SPAG16: variants seen among roughly 807,000 people sequenced by gnomAD.
SPAG16 encodes sperm-associated antigen 16 protein.
A neutral mutation model predicts 80.4 loss-of-function variants in SPAG16; 86 were observed. The ratio of observed to expected loss-of-function variants is 1.07; its 90% CI spans 0.90 to 1.28. The LOEUF (loss-of-function observed/expected upper bound fraction) is 1.28, where lower values mean the gene tolerates loss of function less well. Ranked by LOEUF, SPAG16 falls within the 50% of genes most tolerant of loss-of-function variation. The pLI is 0.00. For missense variants in SPAG16, 870 were observed against 765.3 expected (o/e 1.14, Z -1.61); for synonymous variants, 294 against 265.9 (o/e 1.11, Z -1.03).
intron 10 of SPAG16, among the ~76,000 whole-genome samples, chr2:213,742,837 A>G (rs1312869089): frequency 6.6e-6 from 1 of 152,134 alleles, no homozygotes. Flanking sequence ...AGCTGGGATT[A>G]CAGGCGTGAG....
intron 12 of SPAG16, among the ~76,000 whole-genome samples, chr2:214,010,099 A>G (rs1426675883): frequency 1.4e-5 from 2 of 140,888 alleles, no homozygotes; most frequent in Non-Finnish European, 3.0e-5. Context: ...TAAAATGTCA[A>G]AAGAGTTAAA....
At chr2:214,333,088 A>G (rs930609285) in intron 15 of SPAG16, among the ~76,000 whole-genome samples, 4 of 152,202 alleles carry the variant, frequency 2.6e-5, no homozygotes, top group Non-Finnish European at 5.9e-5. Flanking sequence ...GACCAAGTGA[A>G]TGACTACTGT....
chr2:213,678,446 G>A (rs1465199974), intron 10 of SPAG16, among the ~76,000 whole-genome samples: 11 of 152,056 alleles, frequency 7.2e-5, no homozygotes, highest in Admixed American at 1.3e-4. Context: ...TATCACCACC[G>A]ATCCCACAGA....
intron 10 of SPAG16, among the ~76,000 whole-genome samples, chr2:213,695,017 A>T (rs1398460956): frequency 6.6e-6 from 1 of 152,090 alleles, no homozygotes; most frequent in Non-Finnish European, 1.5e-5. Flanking sequence ...GATTTTTTAT[A>T]GACTTGACAT....
At chr2:213,433,915 CTTTTT>C (rs33989475) in intron 9 of SPAG16, among the ~76,000 whole-genome samples, 4 of 85,012 alleles carry the variant, frequency 4.7e-5, no homozygotes, top group Non-Finnish European at 4.6e-5. Context: ...TTTTCTTTGT[CTTTTT>C]TTTTTTTTTT....
chr2:214,161,740 C>G (rs1254496330), intron 15 of SPAG16, among the ~76,000 whole-genome samples: 1 of 151,968 alleles, frequency 6.6e-6, no homozygotes, highest in East Asian at 1.9e-4. Flanking sequence ...GGCTTAATAC[C>G]TAGGTGATGG....
At chr2:213,525,284 C>CTTTTTTTTTTTTTT (rs71060436) in intron 10 of SPAG16, among the ~76,000 whole-genome samples, 8 of 100,334 alleles carry the variant, frequency 8.0e-5, no homozygotes, top group Non-Finnish European at 1.4e-4. Context: ...TTTTCCTTTT[C>CTTTTTTTTTTTTTT]TTTTTTTTTT....
chr2:213,720,678 G>A (rs1170501290), intron 10 of SPAG16, among the ~76,000 whole-genome samples: 1 of 150,864 alleles, frequency 6.6e-6, no homozygotes, highest in African/African-American at 2.4e-5. Flanking sequence ...TTACCTCACA[G>A]TGATGTTAGA....
chr2:213,590,721 C>A (rs577787254), intron 10 of SPAG16, among the ~76,000 whole-genome samples: 14 of 152,230 alleles, frequency 9.2e-5, no homozygotes, highest in African/African-American at 2.9e-4. Context: ...ATTAGTTCAG[C>A]CCCTGTGAAA....
intron 11 of SPAG16, among the ~76,000 whole-genome samples, chr2:213,897,711 A>G (rs753763130): frequency 6.6e-6 from 1 of 152,106 alleles, no homozygotes; most frequent in Non-Finnish European, 1.5e-5. Flanking sequence ...CCTTCAGATG[A>G]TGTGCATCTA....
At chr2:213,490,621 T>C (rs1366757435) in intron 10 of SPAG16, among the ~76,000 whole-genome samples, 1 of 152,158 alleles carries the variant, frequency 6.6e-6, no homozygotes, top group Non-Finnish European at 1.5e-5. Context: ...AAATGGAGAG[T>C]ATTTTTATTC....
At chr2:213,349,176 T>G (rs770300446) in intron 6 of SPAG16, among the ~76,000 whole-genome samples, 13 of 152,178 alleles carry the variant, frequency 8.5e-5, no homozygotes, top group Non-Finnish European at 1.3e-4. Context: ...TGCAGCATAT[T>G]GAAATGCAGC....
chr2:214,003,304 CTATT>C (rs1235048027), intron 12 of SPAG16, among the ~76,000 whole-genome samples: 1 of 152,152 alleles, frequency 6.6e-6, no homozygotes, highest in Non-Finnish European at 1.5e-5. Flanking sequence ...CAAATAGTGT[CTATT>C]TATTAAAGAT....
intron 10 of SPAG16, among the ~76,000 whole-genome samples, chr2:213,578,663 A>C (rs911133927): frequency 1.3e-4 from 20 of 152,228 alleles, no homozygotes; most frequent in African/African-American, 4.6e-4. Flanking sequence ...TTTTTGGCTA[A>C]AATCAAGTGT....
intron 10 of SPAG16, among the ~76,000 whole-genome samples, chr2:213,515,178 T>TAA (rs925461364): frequency 2.6e-5 from 4 of 152,140 alleles, no homozygotes; most frequent in East Asian, 3.8e-4. Context: ...TATATATATA[T>TAA]AAACCCATTC....
In SPAG16 at chr2:213,642,820, CAAAAAAAAAAAAAAA is replaced by C. The variant is rs766759239; in HGVS notation, c.1070+152745_1070+152759del. On this transcript the variant is annotated intron_variant, in intron 10 of 15. Coordinates refer to ENST00000331683, the MANE Select transcript of SPAG16 (RefSeq NM_024532.5). ...TGGGCGACAGAGCGAGACTCTGTCT[CAAAAAAAAAAAAAAA>C]AAAAAAAAAAAAAAGAGAGACTGGT... Among the ~76,000 whole-genome samples, 11 of 1,136 alleles carry C rather than the reference CAAAAAAAAAAAAAAA, an allele frequency of 9.7e-3. 5 individuals carry two copies. The East Asian group carries it at 0.42, about 44-fold the overall frequency. The allele number at this position is 1,136 out of a possible 152,430, so 0.7% of individuals were successfully genotyped here.
chr2:213,967,755 A>T (rs183916765), intron 12 of SPAG16, among the ~76,000 whole-genome samples: 6 of 152,328 alleles, frequency 3.9e-5, no homozygotes, highest in Non-Finnish European at 7.4e-5. Context: ...TAAATATACA[A>T]TGTAGGAGTA....
At chr2:213,580,990 A>T (rs2060280265) in intron 10 of SPAG16, among the ~76,000 whole-genome samples, 1 of 152,060 alleles carries the variant, frequency 6.6e-6, no homozygotes, top group African/African-American at 2.4e-5. Flanking sequence ...GTTTTGCTTA[A>T]TAAGATCCCT....
chr2:214,027,023 T>C (rs2048166723), intron 13 of SPAG16, among the ~76,000 whole-genome samples: 1 of 151,660 alleles, frequency 6.6e-6, no homozygotes, highest in Admixed American at 6.6e-5. Context: ...AAAGAAACTT[T>C]ATTCCACTGT....
Sources: allele counts gnomAD v4.1 joint callset (sites outside exome capture counted in the v4.1 genomes callset), GRCh38; gene constraint gnomAD v4.1.1; transcripts MANE v1.5; gene names NCBI Gene and HGNC (gene_info 2026-07-23, HGNC 2026-07-21).